The following GRID2 variants were observed in gnomAD, a reference collection of about 807,000 sequenced individuals.
GRID2 encodes glutamate ionotropic receptor delta type subunit 2, also known as glutamate receptor ionotropic, delta-2.
GRID2 carries 33 observed loss-of-function variants against 114.8 expected under a neutral mutation model. The observed-to-expected ratio is 0.29, with a 90% CI of 0.22 to 0.38. The LOEUF (loss-of-function observed/expected upper bound fraction) is 0.38, where lower values mean the gene tolerates loss of function less well. GRID2 is among the 10% of genes least tolerant of loss of function. GRID2 has a pLI of 1.00. For synonymous variants in GRID2, 505 were observed against 449.9 expected, an observed-to-expected ratio of 1.12 and a Z score of -1.55; for missense variants, 1,184 against 1,257.7, an observed-to-expected ratio of 0.94 and a Z score of 0.89.
chr4:93,806,198 A>G (rs558199645), intron 1 of GRID2, among the ~76,000 whole-genome samples: 54 of 152,356 alleles, frequency 3.5e-4, no homozygotes, highest in African/African-American at 1.2e-3. Context: ...AGTACAATTT[A>G]TATATTTATT....
chr4:92,757,956 G>A (rs553203248), intron 2 of GRID2, among the ~76,000 whole-genome samples: 2 of 152,128 alleles, frequency 1.3e-5, no homozygotes, highest in South Asian at 4.1e-4. Context: ...AAAAGGAGGA[G>A]ATCAAAAAGA....
rs536881467 is a variant in GRID2 at position 92,442,359 on chromosome 4, C to T, written c.88+137615C>T. Among the ~76,000 whole-genome samples the T allele has an allele frequency of 2.9e-3, 437 of 152,002 alleles. 1 individual carries two copies. Among genetic ancestry groups the T allele is most frequent in the African/African-American group, 9.4e-3 (389 of 41,440 alleles). Reference sequence around the variant, plus strand: ...AGTGGGGTCCTACACAGATGGGACACGGCTTAGGAGGAATTCCGGGCTGCG... The same window carrying T: ...AGTGGGGTCCTACACAGATGGGACATGGCTTAGGAGGAATTCCGGGCTGCG... On this transcript the variant is annotated intron_variant, in intron 1 of 15. Coordinates refer to ENST00000282020, the MANE Select transcript of GRID2 (RefSeq NM_001510.4).
chr4:93,617,701 C>T (rs1028778330), intron 13 of GRID2, among the ~76,000 whole-genome samples: 6 of 152,024 alleles, frequency 3.9e-5, no homozygotes, highest in Non-Finnish European at 8.8e-5. Flanking sequence ...ATCTTGGTAT[C>T]GAGATGATAC....
intron 1 of GRID2, among the ~76,000 whole-genome samples, chr4:92,542,645 G>A (rs995859121): frequency 1.3e-5 from 2 of 151,640 alleles, no homozygotes; most frequent in Non-Finnish European, 2.9e-5. Flanking sequence ...GTGGAAGGGA[G>A]GTGAGGGATA....
chr4:93,290,235 G>C (rs1460966742), intron 8 of GRID2, among the ~76,000 whole-genome samples: 1 of 152,132 alleles, frequency 6.6e-6, no homozygotes, highest in Non-Finnish European at 1.5e-5. Context: ...CTAATGTTCG[G>C]TTTAGTAGGA....
chr4:93,796,043 T>C (rs948817864), intron 1 of GRID2, among the ~76,000 whole-genome samples: 1 of 152,170 alleles, frequency 6.6e-6, no homozygotes, highest in Admixed American at 6.5e-5. Flanking sequence ...CAGAGGCCCC[T>C]ATTCTCTTAC....
chr4:93,041,456 C>T (rs2149268957), intron 2 of GRID2, among the ~76,000 whole-genome samples: 1 of 152,232 alleles, frequency 6.6e-6, no homozygotes, highest in African/African-American at 2.4e-5. Flanking sequence ...AGGAGTCTTA[C>T]AATCTCTGAA....
At chr4:92,903,141 A>G (rs1176153590) in intron 2 of GRID2, among the ~76,000 whole-genome samples, 1 of 151,728 alleles carries the variant, frequency 6.6e-6, no homozygotes, top group Non-Finnish European at 1.5e-5. Context: ...AGACTGCTTT[A>G]GTCAGTGTGG....
intron 4 of GRID2, among the ~76,000 whole-genome samples, chr4:93,117,631 TC>T (rs1470775154): frequency 1.3e-5 from 2 of 151,036 alleles, no homozygotes; most frequent in Non-Finnish European, 2.9e-5. Flanking sequence ...CTTTTCTCTA[TC>T]TATTTATTTA....
chr4:93,437,528 G>A (rs1721212064), intron 10 of GRID2, among the ~76,000 whole-genome samples: 2 of 152,050 alleles, frequency 1.3e-5, no homozygotes, highest in Admixed American at 1.3e-4. Context: ...CAGAGTATGA[G>A]TAGAAGACAA....
rs183969169 is a variant in GRID2, at chr4:92,417,879, T to A, written c.88+113135T>A. On this transcript the variant is annotated intron_variant, in intron 1 of 15. Coordinates refer to ENST00000282020, the MANE Select transcript of GRID2 (RefSeq NM_001510.4). ...GAATAAGTCTCATGCGATCTGACGG[T>A]TTTATAAATGGGATTTCCCCTGTGC... Among the ~76,000 whole-genome samples the A allele has an allele frequency of 3.3e-3, 506 of 152,190 alleles. 8 individuals are homozygous for A. The highest frequency in any genetic ancestry group is 7.9e-4 in the Non-Finnish European group (54 of 67,988).
In GRID2 at chr4:93,224,789, T is replaced by C. The variant is rs1205736182; in HGVS notation, c.1125+14T>C. ...ACCATCAAGAAGGTAACTTCTTAAT[T>C]TTCATGTAAAAAGGATATGGTAAAT... On this transcript the variant is annotated intron_variant, in intron 7 of 15. Coordinates refer to ENST00000282020, the MANE Select transcript of GRID2 (RefSeq NM_001510.4). The C allele has an allele frequency of 6.3e-7, 1 of 1,576,572 alleles. No homozygotes were observed. Among genetic ancestry groups the C allele is most frequent in the Non-Finnish European group, 8.7e-7 (1 of 1,151,612 alleles).
chr4:93,784,799 A>C (rs1272247389), intron 1 of GRID2, among the ~76,000 whole-genome samples: 3 of 152,196 alleles, frequency 2.0e-5, no homozygotes, highest in Admixed American at 6.5e-5. Context: ...GATACAATGT[A>C]TTACAGAAAC....
intron 8 of GRID2, among the ~76,000 whole-genome samples, chr4:93,335,144 GT>G (rs1190553665): frequency 1.3e-5 from 2 of 152,144 alleles, no homozygotes; most frequent in African/African-American, 4.8e-5. Flanking sequence ...GTGTGACGCA[GT>G]GATTTATAAC....
intron 3 of GRID2, among the ~76,000 whole-genome samples, chr4:93,087,275 C>G (rs560565632): frequency 6.6e-6 from 1 of 151,780 alleles, no homozygotes; most frequent in Non-Finnish European, 1.5e-5. Flanking sequence ...CTCCTGACAT[C>G]GTGATCCACC....
intron 11 of GRID2, among the ~76,000 whole-genome samples, chr4:93,459,767 T>A (rs1723565608): frequency 6.6e-6 from 1 of 152,152 alleles, no homozygotes; most frequent in Non-Finnish European, 1.5e-5. Flanking sequence ...GCACCATAAA[T>A]TTGAACATGC....
intron 12 of GRID2, among the ~76,000 whole-genome samples, chr4:93,494,116 A>G (rs1727294165): frequency 6.6e-6 from 1 of 151,884 alleles, no homozygotes; most frequent in Non-Finnish European, 1.5e-5. Context: ...TCTTGGGAAA[A>G]TTCTAATTTT....
intron 1 of GRID2, among the ~76,000 whole-genome samples, chr4:92,365,355 T>C (rs1437086055): frequency 6.6e-6 from 1 of 152,054 alleles, no homozygotes; most frequent in Non-Finnish European, 1.5e-5. Flanking sequence ...TAGAGAACAT[T>C]ATGCTAAGTG....
rs142427453 is a variant in GRID2 at position 93,526,952 on chromosome 4, T to A, written c.2193+11541T>A. 8.3e-4 allele frequency among the ~76,000 whole-genome samples: 126 copies of A among 152,354 alleles called. 3 individuals carry two copies. The East Asian group carries it at 0.02, about 24-fold the overall frequency. On this transcript the variant is annotated intron_variant, in intron 13 of 15. Coordinates refer to ENST00000282020, the MANE Select transcript of GRID2 (RefSeq NM_001510.4). ...AAAAAATAAAATGTTTTCATGCCCT[T>A]GTCTTTTTCAATTCCTTTGTCAAAA... is the stretch of plus-strand genomic sequence containing the variant.
Sources: gnomAD v4.1 joint callset for allele counts (sites outside exome capture counted in the v4.1 genomes callset) on GRCh38, gnomAD v4.1.1 for gene constraint, MANE v1.5 for transcripts, NCBI Gene and HGNC (gene_info 2026-07-23, HGNC 2026-07-21) for gene names.